WDR53: variants seen among roughly 807,000 people sequenced by gnomAD.
WDR53 encodes WD repeat domain 53.
In WDR53, 19 loss-of-function variants were observed where a neutral mutation model predicts 21.3. The observed-to-expected ratio is 0.89, with a 90% confidence interval of 0.62 to 1.31. WDR53 has a LOEUF of 1.31. Ranked by LOEUF, WDR53 falls within the 50% of genes most tolerant of loss-of-function variation. The probability of loss-of-function intolerance (pLI) is 0.00; values close to 1 mark genes in which losing one functional copy is unlikely to be tolerated. For synonymous variants in WDR53, 157 were observed against 163.4 expected, an observed-to-expected ratio of 0.96 and a Z score of 0.30; for missense variants, 374 against 423.2, an observed-to-expected ratio of 0.88 and a Z score of 1.02.
At chr3:196,564,948 CTAATT>C (rs919347066) in intron 2 of WDR53, among the ~76,000 whole-genome samples, 1 of 152,142 alleles carries the variant, frequency 6.6e-6, no homozygotes, top group Non-Finnish European at 1.5e-5. Flanking sequence ...GGTTTTCTTC[CTAATT>C]TAATTCTTTT....
intron 3 of WDR53, among the ~76,000 whole-genome samples, chr3:196,560,502 G>C (rs1391044409): frequency 2.0e-5 from 3 of 152,134 alleles, no homozygotes; most frequent in African/African-American, 7.2e-5. Context: ...CTTCCAAAGT[G>C]CTGGGATTAC....
intron 3 of WDR53, among the ~76,000 whole-genome samples, chr3:196,558,878 T>C (rs1734571685): frequency 1.3e-5 from 2 of 152,218 alleles, no homozygotes; most frequent in African/African-American, 4.8e-5. Context: ...TAGAAACAAA[T>C]CTACCATGAA....
intron 3 of WDR53, among the ~76,000 whole-genome samples, chr3:196,560,173 G>A (rs1038456688): frequency 6.6e-6 from 1 of 151,926 alleles, no homozygotes; most frequent in Non-Finnish European, 1.5e-5. Flanking sequence ...CTACATAATG[G>A]GTTTCTAGAT....
At chr3:196,556,843 C>A (rs1734364222) in intron 3 of WDR53, among the ~76,000 whole-genome samples, 1 of 152,074 alleles carries the variant, frequency 6.6e-6, no homozygotes, top group Non-Finnish European at 1.5e-5. Context: ...GCAGCTGAAA[C>A]ACCTTTTGTA....
chr3:196,560,165 A>G (rs1734688551), intron 3 of WDR53, among the ~76,000 whole-genome samples: 1 of 152,136 alleles, frequency 6.6e-6, no homozygotes, highest in Admixed American at 6.5e-5. Flanking sequence ...CCAGTTCTCT[A>G]CATAATGGGT....
chr3:196,566,118 C>T (rs578079754), intron 2 of WDR53, among the ~76,000 whole-genome samples: 2 of 151,800 alleles, frequency 1.3e-5, no homozygotes, highest in Non-Finnish European at 2.9e-5. Context: ...GAGACAGTAT[C>T]TCCCTCTGTT....
rs1298885274 is a variant in WDR53, at chr3:196,561,439, C to CAGG, written c.34_36dup (p.Pro12dup). The CAGG allele has an allele frequency of 1.2e-6, 2 of 1,613,900 alleles. No individual in the cohort carries two copies. Among genetic ancestry groups the CAGG allele is most frequent in the East Asian group, 4.5e-5 (2 of 44,886 alleles). On this transcript the variant is annotated inframe_insertion, in exon 3 of 4. Transcript: ENST00000332629. ...TCTTTACTTGCATTCAGGCAGAGGA[C>CAGG]AGGAGAAGAATGCCCACCCGTCCAC...
intron 3 of WDR53, among the ~76,000 whole-genome samples, chr3:196,557,639 TG>T (rs1382080587): frequency 6.6e-6 from 1 of 152,220 alleles, no homozygotes; most frequent in Non-Finnish European, 1.5e-5. Context: ...TTCAATCATT[TG>T]TTTTCAGATG....
At chr3:196,557,259 T>C (rs1734409499) in intron 3 of WDR53, among the ~76,000 whole-genome samples, 1 of 152,230 alleles carries the variant, frequency 6.6e-6, no homozygotes, top group South Asian at 2.1e-4. Context: ...AAGAGCCTCT[T>C]CAGGCCAGGT....
intron 2 of WDR53, among the ~76,000 whole-genome samples, chr3:196,562,975 T>C (rs1735021921): frequency 6.6e-6 from 1 of 151,926 alleles, no homozygotes; most frequent in South Asian, 2.1e-4. Context: ...TCAGACCACT[T>C]ATGTGCACCA....
rs201680617 is a variant in WDR53, at chr3:196,561,372, G to A, written c.104C>T (p.Ala35Val). The change falls in exon 3 of 4, where the codon GCT (alanine) becomes GTT (valine). Residue 35 changes from alanine to valine, a missense_variant. Physicochemically the swap from Ala to Val is moderately conservative, Grantham distance 64. Coordinates refer to ENST00000332629, the MANE Select transcript of WDR53 (RefSeq NM_182627.3). Reference sequence around the variant, plus strand: ...TAATGGAGTTCCATCTTCACCCCAAGCCGTGAGATCTCCGCCCTCTGCTCC... The same window carrying A: ...TAATGGAGTTCCATCTTCACCCCAAACCGTGAGATCTCCGCCCTCTGCTCC... ...ASGAEGGDLT[A>V]WGEDGTPLGH... 3.6e-5 allele frequency: 58 copies of A among 1,613,894 alleles called. No homozygotes were observed. The highest frequency in any genetic ancestry group is 4.6e-5 in the Non-Finnish European group (54 of 1,180,016).
intron 3 of WDR53, among the ~76,000 whole-genome samples, chr3:196,557,072 T>C (rs1734387443): frequency 8.3e-6 from 1 of 120,016 alleles, no homozygotes; most frequent in Admixed American, 7.7e-5. Flanking sequence ...CTAGAGATAC[T>C]GAAAGAAAAG....
intron 2 of WDR53, among the ~76,000 whole-genome samples, chr3:196,562,603 A>G (rs1345899196): frequency 6.6e-6 from 1 of 152,208 alleles, no homozygotes; most frequent in Non-Finnish European, 1.5e-5. Flanking sequence ...CCTGATGTAC[A>G]GTGGAATTGC....
At position 196,554,783 on chromosome 3, in the gene WDR53, C is replaced by G; in HGVS notation, c.505G>C (p.Ala169Pro). The change falls in exon 4 of 4, where the codon GCC becomes CCC. Residue 169 changes from alanine (A) to proline (P), a missense_variant. Coordinates refer to ENST00000332629, the MANE Select transcript of WDR53 (RefSeq NM_182627.3). Reference sequence around the variant, plus strand: ...AAATTTGTAATCCAGAGTGGTCGGGCTTTTTGAAGACTCCACAGCATCACC... The same window carrying G: ...AAATTTGTAATCCAGAGTGGTCGGGGTTTTTGAAGACTCCACAGCATCACC... ...MQVMLWSLQK[A>P]RPLWITNLQE... 6.2e-7 allele frequency: 1 copy of G among 1,613,868 alleles called. No homozygotes were observed. The highest frequency in any genetic ancestry group is 8.5e-7 in the Non-Finnish European group (1 of 1,179,946).
At chr3:196,566,335 A>C (rs113512228) in intron 2 of WDR53, among the ~76,000 whole-genome samples, 2,307 of 149,338 alleles carry the variant, frequency 0.015, 42 homozygotes, top group African/African-American at 0.054. Context: ...CAATCCACCC[A>C]CCTCGGCCTC....
chr3:196,567,612 C>T (rs372153635), intron 1 of WDR53, among the ~76,000 whole-genome samples: 2 of 152,124 alleles, frequency 1.3e-5, no homozygotes, highest in African/African-American at 4.8e-5. Flanking sequence ...GCGTAAATGA[C>T]GTAGTATACA....
intron 1 of WDR53, chr3:196,568,292 A>G (rs78303566): frequency 0.39 from 59,370 of 152,240 alleles, 11,964 homozygotes; most frequent in Middle Eastern, 0.48. Context: ...TGCCCAAGCT[A>G]CACAAAAAGG....
chr3:196,558,266 C>T (rs1279307425), intron 3 of WDR53, among the ~76,000 whole-genome samples: 2 of 152,054 alleles, frequency 1.3e-5, no homozygotes, highest in Admixed American at 6.6e-5. Context: ...AGTGCAGTGG[C>T]GAGATCATGG....
chr3:196,556,248 A>G (rs1734304485), intron 3 of WDR53, among the ~76,000 whole-genome samples: 1 of 151,940 alleles, frequency 6.6e-6, no homozygotes, highest in Non-Finnish European at 1.5e-5. Context: ...GGTTTTTGCT[A>G]TGTTGCCCAG....
Sources: gnomAD v4.1 joint callset for allele counts (sites outside exome capture counted in the v4.1 genomes callset) on GRCh38, gnomAD v4.1.1 for gene constraint, MANE v1.5 for transcripts, NCBI Gene and HGNC (gene_info 2026-07-23, HGNC 2026-07-21) for gene names.